Variants in CDH18 observed in about 807,000 individuals in gnomAD.
The protein encoded by CDH18 is cadherin-18.
Under a neutral mutation model 67.9 loss-of-function variants are expected in CDH18, and 31 were observed. That is an observed-to-expected ratio of 0.46 (90% CI 0.34 to 0.62). The LOEUF is 0.62. CDH18 is among the 20% of genes least tolerant of loss of function. The pLI, the probability that CDH18 is intolerant of heterozygous loss-of-function variation, is 0.01. For synonymous variants in CDH18, 362 were observed against 347.2 expected (o/e 1.04, Z -0.48); for missense variants, 890 against 975.5 (o/e 0.91, Z 1.17).
At chr5:20,123,067 T>C (rs1000337719) in intron 2 of CDH18, among the ~76,000 whole-genome samples, 2 of 148,962 alleles carry the variant, frequency 1.3e-5, no homozygotes, top group African/African-American at 4.9e-5. Flanking sequence ...TCAAATATTA[T>C]ATATATGATA....
At chr5:20,526,627 G>A (rs1396707847) in intron 1 of CDH18, among the ~76,000 whole-genome samples, 1 of 151,934 alleles carries the variant, frequency 6.6e-6, no homozygotes, top group Non-Finnish European at 1.5e-5. Flanking sequence ...GTCTGGAGTG[G>A]GCCCCCAGCA....
chr5:20,120,975 G>T (rs1269769617), intron 2 of CDH18, among the ~76,000 whole-genome samples: 1 of 151,938 alleles, frequency 6.6e-6, no homozygotes. Flanking sequence ...GGTGTCACTG[G>T]CCATTAAACA....
At chr5:20,199,964 C>T (rs958285485) in intron 2 of CDH18, among the ~76,000 whole-genome samples, 64 of 152,228 alleles carry the variant, frequency 4.2e-4, no homozygotes, top group African/African-American at 1.3e-3. Flanking sequence ...GAGGCCTCCC[C>T]GGCCATATGC....
intron 2 of CDH18, among the ~76,000 whole-genome samples, chr5:20,099,689 C>T (rs569674837): frequency 2.6e-5 from 4 of 152,104 alleles, no homozygotes; most frequent in African/African-American, 9.6e-5. Context: ...ACAGGAATAC[C>T]TTCAAAAATA....
At chr5:19,692,772 ACT>A (rs1053650719) in intron 5 of CDH18, among the ~76,000 whole-genome samples, 1 of 151,726 alleles carries the variant, frequency 6.6e-6, no homozygotes, top group African/African-American at 2.4e-5. Context: ...ACTCTTATAT[ACT>A]CTTAGTTGGG....
At chr5:20,261,091 A>G (rs1744615322) in intron 1 of CDH18, among the ~76,000 whole-genome samples, 1 of 152,200 alleles carries the variant, frequency 6.6e-6, no homozygotes, top group Non-Finnish European at 1.5e-5. Context: ...ATCAACCTTC[A>G]TAATAACATT....
chr5:19,683,907 T>C (rs1760693711), intron 5 of CDH18, among the ~76,000 whole-genome samples: 1 of 152,124 alleles, frequency 6.6e-6, no homozygotes, highest in Non-Finnish European at 1.5e-5. Context: ...AGTGCCTGCA[T>C]CGCCAGGAAA....
chr5:19,617,573 C>T (rs367820750), intron 5 of CDH18, among the ~76,000 whole-genome samples: 21 of 152,146 alleles, frequency 1.4e-4, no homozygotes, highest in Non-Finnish European at 2.9e-4. Flanking sequence ...TAAATGGTTA[C>T]GGCATATTCT....
rs1327843057 is a variant in CDH18, at chr5:19,766,890, C to T, written c.229-19654G>A. Among the ~76,000 whole-genome samples the T allele has an allele frequency of 3.3e-5, 5 of 152,088 alleles. No individual in the cohort carries two copies. In the East Asian group the frequency reaches 9.6e-4, roughly 29 times the overall value. ...AGAATGCCTTGTCATTCAATACTTC[C>T]CTATTATACTATCTTTTCTTTTAAA... On this transcript the variant is annotated intron_variant, in intron 3 of 12. Coordinates refer to ENST00000382275, the MANE Select transcript of CDH18 (RefSeq NM_004934.5).
At chr5:20,410,741 A>T (rs73766048) in intron 1 of CDH18, among the ~76,000 whole-genome samples, 11,119 of 151,926 alleles carry the variant, frequency 0.073, 478 homozygotes, top group African/African-American at 0.11. Context: ...CCATGATTTT[A>T]TATGTAGAAA....
At chr5:20,003,315 G>A (rs1736599973) in intron 2 of CDH18, among the ~76,000 whole-genome samples, 1 of 152,028 alleles carries the variant, frequency 6.6e-6, no homozygotes, top group African/African-American at 2.4e-5. Context: ...GTGTGTGTGT[G>A]TATTTGTACA....
chr5:20,522,819 T>C (rs1323512104), intron 1 of CDH18, among the ~76,000 whole-genome samples: 1 of 152,204 alleles, frequency 6.6e-6, no homozygotes, highest in Non-Finnish European at 1.5e-5. Flanking sequence ...TATTTCTAAT[T>C]TATGCGCACG....
At chr5:19,598,461 A>G (rs1341988525) in intron 6 of CDH18, among the ~76,000 whole-genome samples, 1 of 152,242 alleles carries the variant, frequency 6.6e-6, no homozygotes, top group East Asian at 1.9e-4. Context: ...TAAAATGTAG[A>G]ACAATGAAAA....
rs73761833 is a variant in CDH18 at position 19,822,034 on chromosome 5, T to C, written c.228+16725A>G. 3.1e-3 allele frequency among the ~76,000 whole-genome samples: 469 copies of C among 152,168 alleles called. 3 individuals carry two copies. Among genetic ancestry groups the C allele is most frequent in the African/African-American group, 0.01 (426 of 41,548 alleles). ...CACTTAAGTACTTAGTGACAGACCC[T>C]TAAAAGTAACTATACAATTGAGACT... On this transcript the variant is annotated intron_variant, in intron 3 of 12. Coordinates refer to ENST00000382275, the MANE Select transcript of CDH18 (RefSeq NM_004934.5).
intron 9 of CDH18, among the ~76,000 whole-genome samples, chr5:19,531,195 T>C (rs1340598449): frequency 1.3e-5 from 2 of 152,190 alleles, no homozygotes; most frequent in Admixed American, 6.5e-5. Context: ...CACAAATATG[T>C]GAATATATTC....
intron 1 of CDH18, among the ~76,000 whole-genome samples, chr5:20,281,121 G>A (rs1035253324): frequency 3.3e-5 from 5 of 152,130 alleles, no homozygotes; most frequent in African/African-American, 1.2e-4. Flanking sequence ...TTTGTCAGAT[G>A]AGTAGGTTGC....
intron 2 of CDH18, among the ~76,000 whole-genome samples, chr5:20,082,548 T>C (rs1744573120): frequency 6.6e-6 from 1 of 152,198 alleles, no homozygotes; most frequent in Non-Finnish European, 1.5e-5. Flanking sequence ...CAGTTCTTCA[T>C]TTTTGGTCCT....
intron 2 of CDH18, among the ~76,000 whole-genome samples, chr5:19,999,691 A>G (rs1322142023): frequency 6.6e-6 from 1 of 152,204 alleles, no homozygotes; most frequent in Non-Finnish European, 1.5e-5. Flanking sequence ...GACTAGCTAC[A>G]TAATTGGGAG....
intron 1 of CDH18, among the ~76,000 whole-genome samples, chr5:19,987,253 A>AACACACACACACACAC (rs10654722): frequency 5.5e-5 from 8 of 144,356 alleles, no homozygotes; most frequent in African/African-American, 1.8e-4. Flanking sequence ...CTGTACAGAC[A>AACACACACACACACAC]ACACACACAC....
Sources: allele counts gnomAD v4.1 joint callset (sites outside exome capture counted in the v4.1 genomes callset), GRCh38; gene constraint gnomAD v4.1.1; transcripts MANE v1.5; gene names NCBI Gene and HGNC (gene_info 2026-07-23, HGNC 2026-07-21).